Variants in AGBL4 observed in about 807,000 individuals in gnomAD.
AGBL4 encodes the protein AGBL carboxypeptidase 4, also known as cytosolic carboxypeptidase 6.
A neutral mutation model predicts 66.4 loss-of-function variants in AGBL4; 58 were observed. That is an observed-to-expected ratio of 0.87 (90% CI 0.71 to 1.09). The LOEUF (loss-of-function observed/expected upper bound fraction) is 1.09. Ranked by LOEUF, AGBL4 falls within the 50% of genes least tolerant of loss-of-function variation. AGBL4 has a pLI of 0.00. For synonymous variants in AGBL4, 234 were observed against 222.9 expected (o/e 1.05, Z -0.44); for missense variants, 579 against 631.0 (o/e 0.92, Z 0.88).
intron 3 of AGBL4, among the ~76,000 whole-genome samples, chr1:49,291,816 G>A (rs1485248485): frequency 6.6e-6 from 1 of 152,190 alleles, no homozygotes; most frequent in Non-Finnish European, 1.5e-5. Flanking sequence ...AGAGCCAGAG[G>A]GAGCCAGGGA....
At chr1:49,556,812 G>C (rs1001790162) in intron 3 of AGBL4, among the ~76,000 whole-genome samples, 1 of 152,078 alleles carries the variant, frequency 6.6e-6, no homozygotes, top group Admixed American at 6.5e-5. Context: ...ATGAGGGCTT[G>C]GGCATGGCAG....
chr1:48,691,020 C>T (rs965290750), intron 6 of AGBL4, among the ~76,000 whole-genome samples: 2 of 151,718 alleles, frequency 1.3e-5, no homozygotes, highest in African/African-American at 4.8e-5. Context: ...CAAAAATTAG[C>T]CAGGTGTGGT....
At chr1:49,085,216 G>A (rs1202734019) in intron 4 of AGBL4, among the ~76,000 whole-genome samples, 2 of 151,932 alleles carry the variant, frequency 1.3e-5, no homozygotes, top group African/African-American at 4.8e-5. Context: ...TCCTGCCTTG[G>A]ACATTGACAT....
intron 3 of AGBL4, among the ~76,000 whole-genome samples, chr1:49,443,989 T>A (rs1466516200): frequency 1.3e-5 from 2 of 151,814 alleles, no homozygotes; most frequent in African/African-American, 4.8e-5. Flanking sequence ...TTTCAAGAAA[T>A]TTTTTTAGCT....
chr1:49,349,373 AT>A (rs1645702573), intron 3 of AGBL4, among the ~76,000 whole-genome samples: 1 of 152,190 alleles, frequency 6.6e-6, no homozygotes, highest in African/African-American at 2.4e-5. Flanking sequence ...AAAGAACTAA[AT>A]TATGGGACTT....
chr1:48,984,862 G>A (rs910934702), intron 5 of AGBL4, among the ~76,000 whole-genome samples: 1 of 151,894 alleles, frequency 6.6e-6, no homozygotes, highest in Non-Finnish European at 1.5e-5. Flanking sequence ...CTTCTGGGCT[G>A]AGGAAATGTA....
chr1:48,906,254 T>C (rs1652575647), intron 5 of AGBL4, among the ~76,000 whole-genome samples: 1 of 152,076 alleles, frequency 6.6e-6, no homozygotes. Context: ...AAAACAAACA[T>C]AGCATGTTAT....
intron 3 of AGBL4, among the ~76,000 whole-genome samples, chr1:49,655,120 G>C (rs985213088): frequency 6.6e-6 from 1 of 152,062 alleles, no homozygotes; most frequent in Admixed American, 6.6e-5. Flanking sequence ...GCTCTTGTTG[G>C]GCAGGCCTGG....
At chr1:49,504,231 C>T (rs777816812) in intron 3 of AGBL4, among the ~76,000 whole-genome samples, 1 of 152,010 alleles carries the variant, frequency 6.6e-6, no homozygotes, top group Non-Finnish European at 1.5e-5. Flanking sequence ...CCTTCTTCTT[C>T]GCCTTCTGCC....
intron 1 of AGBL4, among the ~76,000 whole-genome samples, chr1:49,924,305 A>C (rs1211474182): frequency 6.6e-6 from 1 of 152,102 alleles, no homozygotes; most frequent in Non-Finnish European, 1.5e-5. Flanking sequence ...GGAGAGTGGG[A>C]GGAGGGAGAG....
chr1:49,330,965 G>C (rs542479960), intron 3 of AGBL4, among the ~76,000 whole-genome samples: 5 of 152,284 alleles, frequency 3.3e-5, no homozygotes, highest in African/African-American at 1.2e-4. Context: ...GCAACACAGA[G>C]ACAAGGGAAC....
intron 3 of AGBL4, among the ~76,000 whole-genome samples, chr1:49,341,397 T>G (rs959038843): frequency 6.6e-6 from 1 of 152,132 alleles, no homozygotes; most frequent in Non-Finnish European, 1.5e-5. Context: ...AGGCCCAATA[T>G]AAGAGAGTTA....
At chr1:49,720,191 C>CA (rs1648492806) in intron 2 of AGBL4, among the ~76,000 whole-genome samples, 1 of 151,996 alleles carries the variant, frequency 6.6e-6, no homozygotes, top group Admixed American at 6.6e-5. Flanking sequence ...ATCCAAAATC[C>CA]AAAATCCAAA....
intron 3 of AGBL4, among the ~76,000 whole-genome samples, chr1:49,683,458 A>G (rs1480906115): frequency 1.3e-5 from 2 of 152,196 alleles, no homozygotes; most frequent in Non-Finnish European, 2.9e-5. Context: ...CAGTCCTCAC[A>G]AGAAGCTCTA....
At chr1:48,845,044 C>G (rs1646879684) in intron 6 of AGBL4, among the ~76,000 whole-genome samples, 1 of 152,104 alleles carries the variant, frequency 6.6e-6, no homozygotes, top group Non-Finnish European at 1.5e-5. Context: ...TTCTGGACAG[C>G]TAGTATGTTT....
chr1:49,764,759 C>T lies in AGBL4; in HGVS notation c.158-67322G>A, dbSNP rs928488361. Among the ~76,000 whole-genome samples, 8 of 152,202 alleles carry T rather than the reference C, an allele frequency of 5.3e-5. No homozygotes were observed. The East Asian group carries it at 1.6e-3, about 30-fold the overall frequency. On this transcript the variant is annotated intron_variant, in intron 2 of 13. Transcript: ENST00000371839. Reference sequence around the variant, plus strand: ...ACAGCAATATTGCCACATCAGAGAACAGAGGATCCATAAAGTTATCTAATT... The same window carrying T: ...ACAGCAATATTGCCACATCAGAGAATAGAGGATCCATAAAGTTATCTAATT...
Position 49,713,171 on chromosome 1 carries a change from T to G in AGBL4, c.158-15734A>C, listed in dbSNP as rs1324444905. ...ACATAAGCCTACTCTTCATTGCTAT[T>G]TGTCACCTATTTCTCTGTTCTTTTA... On this transcript the variant is annotated intron_variant, in intron 2 of 13. Coordinates refer to ENST00000371839, the MANE Select transcript of AGBL4 (RefSeq NM_032785.4). Among the ~76,000 whole-genome samples, 4 of 152,192 alleles carry G rather than the reference T, an allele frequency of 2.6e-5. No individual in the cohort carries two copies. The East Asian group carries it at 7.7e-4, about 29-fold the overall frequency.
intron 3 of AGBL4, among the ~76,000 whole-genome samples, chr1:49,392,797 CTT>C (rs899263574): frequency 6.6e-6 from 1 of 152,046 alleles, no homozygotes; most frequent in Non-Finnish European, 1.5e-5. Flanking sequence ...TACTGGTTCT[CTT>C]TGAGTGGTAC....
At chr1:49,444,659 A>G (rs931200730) in intron 3 of AGBL4, among the ~76,000 whole-genome samples, 12 of 151,874 alleles carry the variant, frequency 7.9e-5, no homozygotes, top group African/African-American at 2.9e-4. Context: ...TCTAGTCTAT[A>G]TGCATTTTAC....
Sources: allele counts gnomAD v4.1 joint callset (sites outside exome capture counted in the v4.1 genomes callset), GRCh38; gene constraint gnomAD v4.1.1; transcripts MANE v1.5; gene names NCBI Gene and HGNC (gene_info 2026-07-23, HGNC 2026-07-21).